The following DMD variants were observed in gnomAD, a reference collection of about 807,000 sequenced individuals.
The protein encoded by DMD is dystrophin.
In DMD, 63 loss-of-function variants were observed where a neutral mutation model predicts 330.1. The ratio of observed to expected loss-of-function variants is 0.19; its 90% confidence interval spans 0.16 to 0.24. The LOEUF is 0.24. DMD is among the 10% of genes least tolerant of loss of function. DMD has a pLI of 1.00. For missense variants in DMD, 3,344 were observed against 2,684.1 expected (o/e 1.25, Z -5.43); for synonymous variants, 1,223 against 959.8 (o/e 1.27, Z -5.07).
chrX:32,062,376 G>C (rs899010948), intron 44 of DMD, among the ~76,000 whole-genome samples: 2 of 110,798 alleles, frequency 1.8e-5, no homozygotes, highest in African/African-American at 6.5e-5. Flanking sequence ...GAATAATTAC[G>C]TGACAAGAGC....
intron 44 of DMD, among the ~76,000 whole-genome samples, chrX:32,000,708 C>T (rs1360624187): frequency 3.6e-5 from 4 of 111,835 alleles, no homozygotes; most frequent in Admixed American, 1.9e-4. Flanking sequence ...TGTATAGAAG[C>T]TGTACTTTCC....
At chrX:32,815,431 G>C (rs762790457) in intron 6 of DMD, among the ~76,000 whole-genome samples, 3 of 102,308 alleles carry the variant, frequency 2.9e-5, no homozygotes, top group Non-Finnish European at 5.9e-5. Context: ...TAAATGAAAC[G>C]GGTAACAGGA....
At chrX:32,095,539 G>T (rs1253571651) in intron 44 of DMD, among the ~76,000 whole-genome samples, 1 of 111,723 alleles carries the variant, frequency 9.0e-6, no homozygotes, top group Non-Finnish European at 1.9e-5. Context: ...AAATGTAGGT[G>T]CTTAGTAAAT....
intron 7 of DMD, among the ~76,000 whole-genome samples, chrX:32,748,976 C>G (rs2070442672): frequency 1.8e-5 from 2 of 112,238 alleles, no homozygotes; most frequent in Admixed American, 9.4e-5. Flanking sequence ...TTAACAGAAC[C>G]TTTTCTCCCA....
intron 27 of DMD, among the ~76,000 whole-genome samples, chrX:32,446,504 T>C (rs1433880041): frequency 9.1e-6 from 1 of 109,983 alleles, no homozygotes; most frequent in African/African-American, 3.3e-5. Flanking sequence ...ATGTAAAATC[T>C]GAACACATTT....
intron 1 of DMD, among the ~76,000 whole-genome samples, chrX:33,051,357 A>G (rs937610465): frequency 9.3e-6 from 1 of 107,790 alleles, no homozygotes; most frequent in Non-Finnish European, 1.9e-5. Flanking sequence ...GATTAGAGGC[A>G]CCCACCACCA....
chrX:33,007,317 C>T (rs1161257821), intron 2 of DMD, among the ~76,000 whole-genome samples: 2 of 110,935 alleles, frequency 1.8e-5, no homozygotes, highest in East Asian at 2.9e-4. Context: ...CCCACAAACA[C>T]GCACTCCCTC....
At chrX:32,586,730 A>T (rs1317110746) in intron 13 of DMD, among the ~76,000 whole-genome samples, 5 of 110,999 alleles carry the variant, frequency 4.5e-5, no homozygotes, top group Non-Finnish European at 7.6e-5. Context: ...GAGAAATCTC[A>T]GGTTGAGTTG....
Position 33,055,563 on chromosome X carries a change from C to T in DMD, c.32-35363G>A, listed in dbSNP as rs147650376. On this transcript the variant is annotated intron_variant, in intron 1 of 78. Coordinates refer to ENST00000357033, the MANE Select transcript of DMD (RefSeq NM_004006.3). ...AAATTAAAGGGTTTCTTCAACCAGA[C>T]ATTTGTATTTTAAGCATTTTATTTT... is the stretch of plus-strand genomic sequence containing the variant. Among the ~76,000 whole-genome samples the T allele has an allele frequency of 8.5e-3, 955 of 112,139 alleles. 6 individuals are homozygous for T. The highest frequency in any genetic ancestry group is 0.03 in the African/African-American group (920 of 30,905).
chrX:31,603,743 T>C lies in DMD; in HGVS notation c.8217+23930A>G, dbSNP rs375229391. Among the ~76,000 whole-genome samples the C allele has an allele frequency of 9.5e-4, 106 of 111,997 alleles. 1 individual carries two copies. The South Asian group carries it at 0.04, about 42-fold the overall frequency. On this transcript the variant is annotated intron_variant, in intron 55 of 78. Coordinates refer to ENST00000357033, the MANE Select transcript of DMD (RefSeq NM_004006.3). ...GAACAAACAAGTGATAAGGTACCTT[T>C]TGGGCTTTCTATTACCTATGTTTCC...
intron 43 of DMD, among the ~76,000 whole-genome samples, chrX:32,260,581 A>G (rs1369657946): frequency 8.9e-6 from 1 of 111,743 alleles, no homozygotes; most frequent in Non-Finnish European, 1.9e-5. Context: ...ATTTGAATCT[A>G]GAATTGAGAA....
intron 1 of DMD, among the ~76,000 whole-genome samples, chrX:33,100,234 T>TTG (rs1345962107): frequency 8.9e-6 from 1 of 111,958 alleles, no homozygotes; most frequent in Admixed American, 9.6e-5. Flanking sequence ...TAAGTAATGA[T>TTG]TAAGTTTTAC....
chrX:32,032,212 T>TA (rs1383016945), intron 44 of DMD, among the ~76,000 whole-genome samples: 1 of 111,893 alleles, frequency 8.9e-6, no homozygotes, highest in Non-Finnish European at 1.9e-5. Flanking sequence ...AGTGATATGA[T>TA]TTTAGATTTA....
In DMD at chrX:32,903,144, C is replaced by CAAAAAAAAA. The variant is rs34973696; in HGVS notation, c.94-53333_94-53325dup. ...TGGGCGACAGAGTGAGACTCAGTCT[C>CAAAAAAAAA]AAAAAAAAAAAAAAAAAAAAAGAAA... On this transcript the variant is annotated intron_variant, in intron 2 of 78. Coordinates refer to ENST00000357033, the MANE Select transcript of DMD (RefSeq NM_004006.3). 1.9e-3 allele frequency among the ~76,000 whole-genome samples: 63 copies of CAAAAAAAAA among 32,986 alleles called. 7 individuals are homozygous for CAAAAAAAAA. In the East Asian group the frequency reaches 0.067, roughly 35 times the overall value. 28.6% of individuals were successfully genotyped at this position (32,986 alleles called of 115,157 possible). A position where few individuals can be genotyped will look rare whatever the true frequency, so the allele number is the denominator to read the frequency against.
At chrX:31,365,208 C>T (rs1239319824) in intron 60 of DMD, among the ~76,000 whole-genome samples, 1 of 110,466 alleles carries the variant, frequency 9.1e-6, no homozygotes, top group East Asian at 2.8e-4. Flanking sequence ...CATATCCCGC[C>T]CCTCTCTATT....
intron 52 of DMD, among the ~76,000 whole-genome samples, chrX:31,718,472 T>C (rs1246455841): frequency 9.0e-6 from 1 of 110,989 alleles, no homozygotes; most frequent in African/African-American, 3.3e-5. Context: ...CTAAAATTTG[T>C]ATGTTGAAGT....
intron 1 of DMD, among the ~76,000 whole-genome samples, chrX:33,163,737 A>C (rs73190234): frequency 1.3e-3 from 145 of 108,041 alleles, no homozygotes; most frequent in Non-Finnish European, 2.4e-3. Flanking sequence ...GTAGCTAAAA[A>C]GTCTTGTAGA....
intron 44 of DMD, among the ~76,000 whole-genome samples, chrX:32,059,591 G>A (rs918702395): frequency 2.7e-5 from 3 of 111,755 alleles, no homozygotes; most frequent in Non-Finnish European, 5.7e-5. Flanking sequence ...TTTGGACTAA[G>A]GTAGATTATT....
intron 7 of DMD, among the ~76,000 whole-genome samples, chrX:32,781,203 G>A (rs1040607444): frequency 1.8e-5 from 2 of 109,806 alleles, no homozygotes; most frequent in African/African-American, 6.6e-5. Context: ...ACATGAGGAA[G>A]TCACCACCAA....
Sources: gnomAD v4.1 joint callset for allele counts (sites outside exome capture counted in the v4.1 genomes callset) on GRCh38, gnomAD v4.1.1 for gene constraint, MANE v1.5 for transcripts, NCBI Gene and HGNC (gene_info 2026-07-23, HGNC 2026-07-21) for gene names.